Variants in CYRIB observed in about 807,000 individuals in gnomAD.
CYRIB encodes the protein CYFIP related Rac1 interactor B.
CYRIB carries 8 observed loss-of-function variants against 44.2 expected under a neutral mutation model. The ratio of observed to expected loss-of-function variants is 0.18; its 90% CI spans 0.11 to 0.33. The LOEUF (loss-of-function observed/expected upper bound fraction) is 0.33. Among genes scored for constraint, CYRIB ranks in the 10% least tolerant of loss-of-function variants. CYRIB has a pLI of 1.00. For missense variants in CYRIB, 185 were observed against 382.8 expected, an observed-to-expected ratio of 0.48 and a Z score of 4.31; for synonymous variants, 131 against 127.2, an observed-to-expected ratio of 1.03 and a Z score of -0.20.
intron 2 of CYRIB, among the ~76,000 whole-genome samples, chr8:129,954,870 G>A (rs2094709687): frequency 6.6e-6 from 1 of 152,154 alleles, no homozygotes; most frequent in Non-Finnish European, 1.5e-5. Context: ...ATCTTTCAGG[G>A]TAAAAGTAGG....
chr8:129,994,455 T>A (rs1206831910), intron 1 of CYRIB, among the ~76,000 whole-genome samples: 1 of 152,242 alleles, frequency 6.6e-6, no homozygotes, highest in Admixed American at 6.5e-5. Context: ...TATCTTTGTA[T>A]GCCTGTGCTT....
intron 1 of CYRIB, among the ~76,000 whole-genome samples, chr8:129,921,999 C>T (rs1471306608): frequency 6.6e-6 from 1 of 152,174 alleles, no homozygotes; most frequent in Non-Finnish European, 1.5e-5. Context: ...ACTTTATCTA[C>T]ACCCCAGGAC....
intron 1 of CYRIB, among the ~76,000 whole-genome samples, chr8:129,977,750 T>C (rs531452958): frequency 4.6e-5 from 7 of 152,250 alleles, no homozygotes; most frequent in South Asian, 2.1e-4. Flanking sequence ...GCCAGGATGG[T>C]CTCGATCTCC....
intron 1 of CYRIB, among the ~76,000 whole-genome samples, chr8:129,936,929 G>A (rs987399044): frequency 6.6e-6 from 1 of 151,890 alleles, no homozygotes; most frequent in African/African-American, 2.4e-5. Context: ...GGATGGTCTC[G>A]ATCTCCTGAC....
At chr8:129,954,523 TA>T (rs1188975167) in intron 2 of CYRIB, among the ~76,000 whole-genome samples, 1 of 90,434 alleles carries the variant, frequency 1.1e-5, no homozygotes, top group Non-Finnish European at 2.6e-5. Flanking sequence ...GCGCCTGGCC[TA>T]GTTTTTTAAT....
rs2060160461 is a variant in CYRIB at position 129,879,472 on chromosome 8, C to G, written c.-10-1G>C. 6.2e-7 allele frequency: 1 copy of G among 1,601,030 alleles called. No homozygotes were observed. Among genetic ancestry groups the G allele is most frequent in the Non-Finnish European group, 8.5e-7 (1 of 1,174,704 alleles). On this transcript the variant is annotated splice_acceptor_variant, in intron 2 of 11. Transcript: ENST00000519824. LOFTEE classifies it low-confidence loss of function (5UTR_SPLICE). ...AAGAAGATTCCCCATGTTAAGGTACCTGTCAAGACAAGAATGAGAAAAGAG... is the reference window on the plus strand; with the variant it reads ...AAGAAGATTCCCCATGTTAAGGTACGTGTCAAGACAAGAATGAGAAAAGAG...
intron 2 of CYRIB, among the ~76,000 whole-genome samples, chr8:129,968,105 TA>T (rs1440619928): frequency 6.6e-6 from 1 of 152,220 alleles, no homozygotes; most frequent in African/African-American, 2.4e-5. Context: ...TATTTGTCTA[TA>T]AAATTCAGAT....
intron 2 of CYRIB, among the ~76,000 whole-genome samples, chr8:129,960,281 A>G (rs138104296): frequency 6.6e-6 from 1 of 152,342 alleles, no homozygotes; most frequent in African/African-American, 2.4e-5. Flanking sequence ...ACTTTTTAAA[A>G]TAAATGAATG....
chr8:129,943,205 T>G (rs2093865334), upstream of CYRIB, among the ~76,000 whole-genome samples: 3 of 151,456 alleles, frequency 2.0e-5, no homozygotes, highest in Admixed American at 2.0e-4. Context: ...GGCTGTCATC[T>G]TGCACTTAAA....
rs143745867 is a variant in CYRIB, at chr8:129,858,109, C to A, written c.302-2362G>T. ...AGCTAGATCAGCCTCACCCTGCAGG[C>A]CTGTGCTGGCACAAGTCAGTCCTAC... On this transcript the variant is annotated intron_variant, in intron 5 of 11. Coordinates refer to ENST00000519824, the Ensembl canonical transcript of CYRIB. Among the ~76,000 whole-genome samples, 980 of 152,344 alleles carry A rather than the reference C, an allele frequency of 6.4e-3. 6 individuals are homozygous for A. The highest frequency in any genetic ancestry group is 0.011 in the South Asian group (54 of 4,826).
intron 11 of CYRIB, among the ~76,000 whole-genome samples, chr8:129,842,881 A>C (rs1411193051): frequency 6.6e-6 from 1 of 152,208 alleles, no homozygotes; most frequent in African/African-American, 2.4e-5. Context: ...TCTGTATTTA[A>C]GATGCCTCAA....
At chr8:129,854,556 CCTTTT>C (rs1245616241) in intron 6 of CYRIB, among the ~76,000 whole-genome samples, 1 of 152,088 alleles carries the variant, frequency 6.6e-6, no homozygotes, top group Non-Finnish European at 1.5e-5. Context: ...GTATACTTTC[CCTTTT>C]CTTTTCAGTT....
chr8:129,978,949 A>C (rs1175433749), intron 1 of CYRIB, among the ~76,000 whole-genome samples: 5 of 152,092 alleles, frequency 3.3e-5, no homozygotes, highest in Admixed American at 3.3e-4. Flanking sequence ...CAGCCTGGCC[A>C]ACATAGTGAA....
intron 2 of CYRIB, among the ~76,000 whole-genome samples, chr8:129,881,073 CTTAAAAG>C (rs1320145686): frequency 3.3e-5 from 5 of 152,106 alleles, no homozygotes; most frequent in African/African-American, 1.2e-4. Flanking sequence ...ATGTATGGAA[CTTAAAAG>C]TTAACACAGC....
chr8:129,964,395 G>A (rs1184251758), intron 2 of CYRIB, among the ~76,000 whole-genome samples: 1 of 152,206 alleles, frequency 6.6e-6, no homozygotes, highest in Non-Finnish European at 1.5e-5. Flanking sequence ...ATACTTCCAT[G>A]TGGACTCAAG....
chr8:129,873,969 G>A (rs1453913595), intron 3 of CYRIB, among the ~76,000 whole-genome samples: 3 of 151,860 alleles, frequency 2.0e-5, no homozygotes, highest in Non-Finnish European at 4.4e-5. Context: ...AAGACAAACA[G>A]AAAATAGCAG....
intron 2 of CYRIB, among the ~76,000 whole-genome samples, chr8:129,951,819 A>G (rs781395262): frequency 3.9e-5 from 6 of 152,100 alleles, no homozygotes; most frequent in Non-Finnish European, 7.4e-5. Context: ...ACCTCCTAAC[A>G]TCGTTTGTAT....
chr8:129,862,163 A>C, intron 5 of CYRIB, 66 bp downstream of exon 7: 1 of 1,216,268 alleles, frequency 8.2e-7, no homozygotes, highest in South Asian at 1.3e-5. Context: ...AAAAAACTCT[A>C]AACTTCTGGA....
At chr8:129,947,064 ATTT>A (rs201605982) in intron 2 of CYRIB, among the ~76,000 whole-genome samples, 37 of 137,218 alleles carry the variant, frequency 2.7e-4, no homozygotes, top group African/African-American at 9.5e-4. Flanking sequence ...TTATTTATTT[ATTT>A]TTTTTTTTGA....
Sources: gnomAD v4.1 joint callset for allele counts (sites outside exome capture counted in the v4.1 genomes callset) on GRCh38, gnomAD v4.1.1 for gene constraint, MANE v1.5 for transcripts, NCBI Gene and HGNC (gene_info 2026-07-23, HGNC 2026-07-21) for gene names.